Variants in NCOR2 observed in about 807,000 individuals in gnomAD.
NCOR2 encodes the protein CTG repeat protein 26.
NCOR2 carries 81 observed loss-of-function variants against 262.9 expected under a neutral mutation model. That is an observed-to-expected ratio of 0.31 (90% confidence interval 0.26 to 0.37). The LOEUF (loss-of-function observed/expected upper bound fraction) is 0.37. NCOR2 is among the 10% of genes least tolerant of loss of function. NCOR2 has a pLI of 1.00. For synonymous variants in NCOR2, 1,659 were observed against 1,559.3 expected (o/e 1.06, Z -1.51); for missense variants, 3,385 against 3,621.4 (o/e 0.93, Z 1.68).
At position 124,444,999 on chromosome 12, in the gene NCOR2, C is replaced by G. The variant is rs139436817; in HGVS notation, c.815+4816G>C. Among the ~76,000 whole-genome samples, 740 of 152,230 alleles carry G rather than the reference C, an allele frequency of 4.9e-3. 2 individuals carry two copies. Among genetic ancestry groups the G allele is most frequent in the South Asian group, 0.016 (76 of 4,824 alleles). ...AGAGTAACCTGGGTTCTGACTGATC[C>G]CCCTTTCCGCCTGCACAGCCCCGGG... is the stretch of plus-strand genomic sequence containing the variant. On this transcript the variant is annotated intron_variant, in intron 7 of 46. Coordinates refer to ENST00000405201, the Ensembl canonical transcript of NCOR2.
chr12:124,335,421 T>A, intron 39 of NCOR2, 62 bp downstream of exon 41: 1 of 1,556,314 alleles, frequency 6.4e-7, no homozygotes, highest in Non-Finnish European at 8.7e-7. Context: ...ATCTGCATGA[T>A]GGGGCCTTGA....
chr12:124,437,883 T>G, intron 8 of NCOR2, 47 bp downstream of exon 10: 1 of 1,569,832 alleles, frequency 6.4e-7, no homozygotes, highest in Non-Finnish European at 8.7e-7. Context: ...CGCTCGATTC[T>G]CCCCAGATCT....
chr12:124,457,276 T>G lies in NCOR2; in HGVS notation c.706-114A>C. ...TGCCCAGCCCAGTCCAGCATGCTGATCCTCAGCACGGGGGAGGGAGGCCCG... is the reference window on the plus strand; with the variant it reads ...TGCCCAGCCCAGTCCAGCATGCTGAGCCTCAGCACGGGGGAGGGAGGCCCG... On this transcript the variant is annotated intron_variant, in intron 5 of 46. Coordinates refer to ENST00000405201, the Ensembl canonical transcript of NCOR2. This position sits in a 1 kb window ranked among gnomAD's most constrained non-coding sequence, Gnocchi z 4.0. 5 of 1,145,534 alleles carry G rather than the reference T, an allele frequency of 4.4e-6. No individual in the cohort carries two copies. The highest frequency in any genetic ancestry group is 6.0e-6 in the Non-Finnish European group (5 of 836,880). The allele number at this position is 1,145,534 out of a possible 1,614,324, so 71.0% of individuals were successfully genotyped here. A position where few individuals can be genotyped will look rare whatever the true frequency, so the allele number is the denominator to read the frequency against.
chr12:124,524,465 C>G (rs936844235), intron 1 of NCOR2, among the ~76,000 whole-genome samples: 7 of 152,340 alleles, frequency 4.6e-5, no homozygotes, highest in Middle Eastern at 3.4e-3. Flanking sequence ...TGCCAGGTGA[C>G]TCTCCTTCTC....
At chr12:124,368,443 G>C (rs774268601) in intron 20 of NCOR2, among the ~76,000 whole-genome samples, 4 of 152,092 alleles carry the variant, frequency 2.6e-5, no homozygotes, top group Non-Finnish European at 5.9e-5. Flanking sequence ...AGGGAGGGCT[G>C]GTTTGTGAAC....
At position 124,400,624 on chromosome 12, in the gene NCOR2, C is replaced by G. The variant is rs201715042; in HGVS notation, c.1690G>C (p.Val564Leu). 9 of 1,614,182 alleles carry G rather than the reference C, an allele frequency of 5.6e-6. No homozygotes were observed. The Admixed American group carries it at 1.5e-4, about 27-fold the overall frequency. Residue 564 changes from valine (V) to leucine (L), a missense_variant, in exon 15 of 47, where the codon GTG (valine) becomes CTG (leucine). Around this residue, in one of 5 missense-constraint regions of NCOR2, gnomAD observed 515 missense variants for 781.2 expected, o/e 0.66. Coordinates refer to ENST00000405201, the Ensembl canonical transcript of NCOR2. ...GCAGTTTTGCGGCCTTTGGAGGCCA[C>G]AGCCTCCTTCTCGTCGTTGTCCTCC...
At chr12:124,339,853 A>ATCCATCCATCCACCCACGCAG (rs1566364300) in intron 37 of NCOR2, among the ~76,000 whole-genome samples, 153 bp downstream of exon 39, 2 of 138,408 alleles carry the variant, frequency 1.4e-5, no homozygotes, top group African/African-American at 5.8e-5. Context: ...CCACCCATCC[A>ATCCATCCATCCACCCACGCAG]CTACTCACAC....
intron 41 of NCOR2, among the ~76,000 whole-genome samples, chr12:124,333,613 C>T (rs376900196): frequency 1.3e-5 from 2 of 151,932 alleles, no homozygotes; most frequent in African/African-American, 2.4e-5. Context: ...CACTGCCCCC[C>T]AAAGATGTCC....
intron 46 of NCOR2, 26 bp from the exon 49 acceptor site, chr12:124,325,609 A>G (rs1401128148): frequency 2.4e-6 from 3 of 1,263,514 alleles, no homozygotes; most frequent in East Asian, 6.1e-5. Flanking sequence ...AAAGATGCCC[A>G]GGAGGCCTCT....
At chr12:124,496,430 A>C (rs997239178), upstream of NCOR2, among the ~76,000 whole-genome samples, 10 of 152,026 alleles carry the variant, frequency 6.6e-5, no homozygotes, top group Admixed American at 5.2e-4. The surrounding 1 kb of genome is among the most constrained non-coding windows in gnomAD (Gnocchi z 4.4). Context: ...CACACCCCCC[A>C]GAGCTGAGGG....
At chr12:124,460,013 C>T (rs1565962715) in intron 5 of NCOR2, among the ~76,000 whole-genome samples, 1 of 152,234 alleles carries the variant, frequency 6.6e-6, no homozygotes, top group South Asian at 2.1e-4. Flanking sequence ...CTTGACTCAG[C>T]CTCCCCTCCC....
chr12:124,423,798 G>A (rs770537484), intron 11 of NCOR2, among the ~76,000 whole-genome samples: 5 of 152,200 alleles, frequency 3.3e-5, no homozygotes, highest in Non-Finnish European at 5.9e-5. Context: ...CCTGGAAGAC[G>A]TTTATTAGAA....
exon 10 of NCOR2, chr12:124,429,619 C>G (rs199934660): frequency 6.2e-7 from 1 of 1,603,480 alleles, no homozygotes; most frequent in East Asian, 2.2e-5. Flanking sequence ...TCACCTCCTG[C>G]TCTGAGAGGC....
upstream of NCOR2, among the ~76,000 whole-genome samples, chr12:124,495,808 G>C (rs1327771088): frequency 6.6e-6 from 1 of 152,192 alleles, no homozygotes; most frequent in Admixed American, 6.5e-5. The surrounding 1 kb of genome is among the most constrained non-coding windows in gnomAD (Gnocchi z 4.4). Flanking sequence ...GTCCCGGGCA[G>C]CAGGGACCAG....
At chr12:124,430,551 C>T in intron 9 of NCOR2, 64 bp downstream of exon 11, 1 of 1,542,670 alleles carries the variant, frequency 6.5e-7, no homozygotes, top group Non-Finnish European at 8.7e-7. Flanking sequence ...GCCATCTCTA[C>T]TGAGGATGCT....
Position 124,482,828 on chromosome 12 carries a change from G to A in NCOR2, c.411+768C>T, listed in dbSNP as rs888149762. Among the ~76,000 whole-genome samples, 1 of 152,150 alleles carries A rather than the reference G, an allele frequency of 6.6e-6. No homozygotes were observed. Among genetic ancestry groups the A allele is most frequent in the Non-Finnish European group, 1.5e-5 (1 of 68,004 alleles). ...GTGCATCCGTGGTCCCTCAGGCCTG[G>A]GTGGCTGCAGACTCAACCCACGCTA... is the stretch of plus-strand genomic sequence containing the variant. On this transcript the variant is annotated intron_variant, in intron 3 of 46. Coordinates refer to ENST00000405201, the Ensembl canonical transcript of NCOR2. This position sits in a 1 kb window ranked among gnomAD's most constrained non-coding sequence, Gnocchi z 6.3.
At chr12:124,438,822 G>GAC (rs1555223398) in intron 7 of NCOR2, among the ~76,000 whole-genome samples, 1 of 2,388 alleles carries the variant, frequency 4.2e-4, no homozygotes, top group South Asian at 0.017. Context: ...GAGACCCAGA[G>GAC]AGAGGGAGAC....
At chr12:124,330,948 C>T (rs373038113) in intron 43 of NCOR2, 50 bp from the exon 46 acceptor site, 52 of 1,547,910 alleles carry the variant, frequency 3.4e-5, no homozygotes, top group Non-Finnish European at 4.5e-5. Flanking sequence ...CTGGGAATTA[C>T]CTGCCCTACC....
rs2040840804 is a variant in NCOR2, at chr12:124,386,809, G to A, written c.1877-922C>T. Among the ~76,000 whole-genome samples the A allele has an allele frequency of 2.0e-5, 3 of 152,270 alleles. 1 individual carries two copies. The highest frequency in any genetic ancestry group is 1.3e-4 in the Admixed American group (2 of 15,294). ...CGGTCTCGGCCTGTCTGCCCGGCGAGCTGCGGCACACACAGGCACAGGCCA... is the reference window on the plus strand; with the variant it reads ...CGGTCTCGGCCTGTCTGCCCGGCGAACTGCGGCACACACAGGCACAGGCCA... On this transcript the variant is annotated intron_variant, in intron 16 of 46. Transcript: ENST00000405201.
Sources: allele counts gnomAD v4.1 joint callset (sites outside exome capture counted in the v4.1 genomes callset), GRCh38; gene constraint gnomAD v4.1.1; regional missense constraint gnomAD v4.1.1; non-coding constraint Gnocchi (gnomAD v3.1); transcripts MANE v1.5; gene names NCBI Gene and HGNC (gene_info 2026-07-23, HGNC 2026-07-21).